Variants in CHEK2 observed in about 807,000 individuals in gnomAD.
CHEK2 encodes the protein checkpoint kinase 2, also known as serine/threonine-protein kinase Chk2.
In CHEK2, 71 loss-of-function variants were observed where a neutral mutation model predicts 69.1. The ratio of observed to expected loss-of-function variants is 1.03; its 90% CI spans 0.85 to 1.25. CHEK2 has a LOEUF of 1.25. CHEK2 is among the 50% of genes most tolerant of loss of function. The pLI, the probability that CHEK2 is intolerant of heterozygous loss-of-function variation, is 0.00. For missense variants in CHEK2, 664 were observed against 649.6 expected, an observed-to-expected ratio of 1.02 and a Z score of -0.24; for synonymous variants, 189 against 226.9, an observed-to-expected ratio of 0.83 and a Z score of 1.50.
chr22:28,726,053 A>G (rs1220686703), intron 2 of CHEK2, among the ~76,000 whole-genome samples: 6 of 151,948 alleles, frequency 3.9e-5, no homozygotes, highest in Non-Finnish European at 5.9e-5. Context: ...AAAATACAAA[A>G]ATTAGCTGGG....
At chr22:28,722,539 C>CAAAAAAAAAAAAAAAAAAAAAAAAAAA (rs755107963) in intron 4 of CHEK2, among the ~76,000 whole-genome samples, 6 of 67,922 alleles carry the variant, frequency 8.8e-5, no homozygotes, top group East Asian at 3.4e-4. Flanking sequence ...GACTCCGTCT[C>CAAAAAAAAAAAAAAAAAAAAAAAAAAA]AAAAAAAAAA....
At chr22:28,707,613 A>C (rs1301476225) in intron 7 of CHEK2, among the ~76,000 whole-genome samples, 1 of 151,948 alleles carries the variant, frequency 6.6e-6, no homozygotes, top group African/African-American at 2.4e-5. Flanking sequence ...TGGCCACTAG[A>C]CTCTACTTAT....
rs1601726502 is a variant in CHEK2, at chr22:28,696,901, C to G, written c.1095G>C (p.Lys365Asn). The change falls in exon 10 of 15, where the codon AAG becomes AAC. Residue 365 changes from lysine (K) to asparagine (N), a missense_variant and splice_region_variant. By Grantham distance (94) the Lys-to-Asn change is moderately conservative (BLOSUM62 0). Coordinates refer to ENST00000404276, the MANE Select transcript of CHEK2 (RefSeq NM_007194.4). ...CACATACAGAATGCCAATTTCTTAC[C>G]TTTATAAGACAGTCCTCTTCTTGAG... ...LSSQEEDCLI[K>N]ITDFGHSKIL... is the part of the protein sequence containing the mutation. 6.2e-7 allele frequency: 1 copy of G among 1,603,410 alleles called. No individual in the cohort carries two copies. The highest frequency in any genetic ancestry group is 8.5e-7 in the Non-Finnish European group (1 of 1,170,514).
At chr22:28,735,559 T>C (rs2054378486) in intron 1 of CHEK2, among the ~76,000 whole-genome samples, 1 of 152,134 alleles carries the variant, frequency 6.6e-6, no homozygotes, top group Non-Finnish European at 1.5e-5. Context: ...TTCAAGTAAT[T>C]ACATGAGATA....
At chr22:28,717,302 C>T (rs929599583) in intron 5 of CHEK2, among the ~76,000 whole-genome samples, 3 of 152,010 alleles carry the variant, frequency 2.0e-5, no homozygotes, top group East Asian at 1.9e-4. Context: ...TGCTTGAACC[C>T]GGGAGGCAGA....
At chr22:28,699,211 C>T (rs941792746) in intron 9 of CHEK2, among the ~76,000 whole-genome samples, 19 of 152,190 alleles carry the variant, frequency 1.2e-4, no homozygotes, top group African/African-American at 4.3e-4. Flanking sequence ...TTATATTGCC[C>T]AGGCTGGTCT....
At chr22:28,737,349 C>T in intron 1 of CHEK2, 2 of 451,094 alleles carry the variant, frequency 4.4e-6, no homozygotes. Context: ...AAACACTTTA[C>T]AGCTTCTCTT....
At chr22:28,726,372 A>G (rs190232346) in intron 2 of CHEK2, 2 of 148,898 alleles carry the variant, frequency 1.3e-5, no homozygotes, top group Non-Finnish European at 3.0e-5. Context: ...CTGTCTCAAA[A>G]AAATAAATAA....
intron 2 of CHEK2, chr22:28,727,931 G>C (rs1359540000): frequency 6.6e-6 from 1 of 152,174 alleles, no homozygotes; most frequent in African/African-American, 2.4e-5. Flanking sequence ...TACACACATT[G>C]TCTATAATTG....
chr22:28,698,444 C>T (rs563253930), intron 9 of CHEK2, among the ~76,000 whole-genome samples: 1 of 152,076 alleles, frequency 6.6e-6, no homozygotes, highest in African/African-American at 2.4e-5. Context: ...TGTTTATGGG[C>T]TTCAATCTTC....
chr22:28,710,038 T>C lies in CHEK2; in HGVS notation c.814A>G (p.Thr272Ala), dbSNP rs1426981647. 6.4e-7 allele frequency: 1 copy of C among 1,556,562 alleles called. No homozygotes were observed. Among genetic ancestry groups the C allele is most frequent in the South Asian group, 1.1e-5 (1 of 89,748 alleles). Residue 272 changes from threonine (T) to alanine (A), a missense_variant, in exon 7 of 15, where the codon ACA becomes GCA. Transcript: ENST00000404276. ...AGCTTTTTCAAAATTTCTATTTCTG[T>C]TTCAACATTGAGAGCTGGGTCCTTT... ...READPALNVE[T>A]EIEILKKLNH...
chr22:28,724,525 C>A (rs1488206084), intron 4 of CHEK2: 5 of 238,772 alleles, frequency 2.1e-5, no homozygotes, highest in African/African-American at 9.0e-5. Flanking sequence ...TTTTACAATG[C>A]AACTAGGACG....
At chr22:28,702,204 A>G (rs1459530059) in intron 8 of CHEK2, among the ~76,000 whole-genome samples, 5 of 144,876 alleles carry the variant, frequency 3.5e-5, no homozygotes, top group Non-Finnish European at 6.0e-5. Context: ...CATATTGCCC[A>G]GGCTGTATCC....
At chr22:28,725,394 G>A (rs2146072843) in intron 2 of CHEK2, 27 bp from the exon 3 acceptor site, 2 of 1,613,838 alleles carry the variant, frequency 1.2e-6, no homozygotes, top group Non-Finnish European at 1.7e-6. Context: ...TGCATCAGAG[G>A]GCTGTTGAAT....
At chr22:28,740,698 G>A (rs1456942053) in intron 1 of CHEK2, among the ~76,000 whole-genome samples, 2 of 152,086 alleles carry the variant, frequency 1.3e-5, no homozygotes, top group African/African-American at 4.8e-5. Context: ...CATATAGCTC[G>A]TGGCTTTTAC....
Position 28,689,155 on chromosome 22 carries a change from G to C in CHEK2, c.1522C>G (p.Leu508Val), listed in dbSNP as rs876660898. ...AATACCTGGGCTAGAACCTGGGGTA[G>C]AGCTGTGGATTCATTTTCCTCAGAC... ...LLSEENESTA[L>V]PQVLAQPSTS... The change falls in exon 14 of 15, where the codon CTA becomes GTA. Residue 508 changes from leucine to valine, a missense_variant. Leu to Val is a conservative substitution (Grantham distance 32). Coordinates refer to ENST00000404276, the MANE Select transcript of CHEK2 (RefSeq NM_007194.4). 6.3e-6 allele frequency: 10 copies of C among 1,594,884 alleles called. No individual in the cohort carries two copies. The highest frequency in any genetic ancestry group is 1.3e-5 in the African/African-American group (1 of 74,822).
intron 7 of CHEK2, among the ~76,000 whole-genome samples, chr22:28,706,933 CAAAT>C (rs1182764524): frequency 6.6e-6 from 1 of 151,882 alleles, no homozygotes; most frequent in Non-Finnish European, 1.5e-5. Context: ...AATAAATAAA[CAAAT>C]AAAGGAGAAC....
Position 28,719,500 on chromosome 22 carries a change from A to C in CHEK2, c.593-15T>G. 1.4e-6 allele frequency: 2 copies of C among 1,459,384 alleles called. No individual in the cohort carries two copies. Among genetic ancestry groups the C allele is most frequent in the Non-Finnish European group, 1.9e-6 (2 of 1,051,220 alleles). The allele number at this position is 1,459,384 out of a possible 1,614,324, so 90.4% of individuals were successfully genotyped here. On this transcript the variant is annotated splice_polypyrimidine_tract_variant and intron_variant, in intron 4 of 14. Coordinates refer to ENST00000404276, the MANE Select transcript of CHEK2 (RefSeq NM_007194.4). ...AAAGACAAAAACTAAGGAAGAAAAG[A>C]GTAGAAATGGGTTTCATTAATTTAT...
intron 1 of CHEK2, chr22:28,737,140 T>G: frequency 6.0e-6 from 2 of 330,874 alleles, no homozygotes; most frequent in Non-Finnish European, 1.3e-5. Flanking sequence ...CAGAGGGGGA[T>G]AAGATCCAAG....
Sources: gnomAD v4.1 joint callset for allele counts (sites outside exome capture counted in the v4.1 genomes callset) on GRCh38, gnomAD v4.1.1 for gene constraint, MANE v1.5 for transcripts, NCBI Gene and HGNC (gene_info 2026-07-23, HGNC 2026-07-21) for gene names.